PHF24: variants seen among roughly 807,000 people sequenced by gnomAD.
The protein encoded by PHF24 is Galpha inhibitory interacting protein.
Under a neutral mutation model 42.6 loss-of-function variants are expected in PHF24, and 25 were observed. That is an observed-to-expected ratio of 0.59 (90% CI 0.43 to 0.82). PHF24 has a LOEUF of 0.82. PHF24 is among the 40% of genes least tolerant of loss of function. The pLI is 0.00. For synonymous variants in PHF24, 185 were observed against 204.8 expected (o/e 0.90, Z 0.83); for missense variants, 470 against 538.1 (o/e 0.87, Z 1.25).
the PHF24 span, among the ~76,000 whole-genome samples, chr9:34,926,301 C>T: frequency 6.6e-6 from 1 of 152,214 alleles, no homozygotes; most frequent in Non-Finnish European, 1.5e-5. The surrounding 1 kb of genome is among the most constrained non-coding windows in gnomAD (Gnocchi z 4.3). Context: ...AGAAGTGGCT[C>T]ACAGAGCTGT....
chr9:34,755,810 G>A, the PHF24 span, among the ~76,000 whole-genome samples: 1 of 151,934 alleles, frequency 6.6e-6, no homozygotes, highest in Non-Finnish European at 1.5e-5. Flanking sequence ...ATTGTGCTCA[G>A]CCTGTATAAT....
chr9:34,729,467 T>C, the PHF24 span: 1 of 1,523,650 alleles, frequency 6.6e-7, no homozygotes, highest in African/African-American at 1.4e-5. Flanking sequence ...CATCCCTCTA[T>C]CTCGGAATTC....
At chr9:34,723,920 T>C in the PHF24 span, 2 of 1,551,490 alleles carry the variant, frequency 1.3e-6, no homozygotes, top group African/African-American at 2.7e-5. Context: ...TTGACAGGGA[T>C]CAGCAAGATG....
At chr9:34,929,615 G>A in the PHF24 span, among the ~76,000 whole-genome samples, 1 of 152,190 alleles carries the variant, frequency 6.6e-6, no homozygotes, top group African/African-American at 2.4e-5. Flanking sequence ...GAGGATTAAA[G>A]CAATCAGATT....
chr9:34,889,347 T>TAG, the PHF24 span: 1 of 398,626 alleles, frequency 2.5e-6, no homozygotes, highest in Non-Finnish European at 4.4e-6. Context: ...GAAGGGAGTG[T>TAG]TGCTAGAGCA....
chr9:34,728,855 C>G, the PHF24 span, among the ~76,000 whole-genome samples: 1 of 152,152 alleles, frequency 6.6e-6, no homozygotes, highest in Admixed American at 6.5e-5. Flanking sequence ...CACTTGGAGG[C>G]TTTTCCAAAT....
chr9:34,759,804 C>T, the PHF24 span, among the ~76,000 whole-genome samples: 3 of 152,212 alleles, frequency 2.0e-5, no homozygotes, highest in Non-Finnish European at 2.9e-5. Context: ...CTGCTGCAAA[C>T]TCCTCTCCAG....
At chr9:34,927,815 G>A in the PHF24 span, among the ~76,000 whole-genome samples, 1 of 152,128 alleles carries the variant, frequency 6.6e-6, no homozygotes, top group Admixed American at 6.5e-5. Context: ...TATTCATTGT[G>A]TTGGGCCTTT....
chr9:34,680,687 CAA>C, the PHF24 span, among the ~76,000 whole-genome samples: 1 of 124,636 alleles, frequency 8.0e-6, no homozygotes, highest in Admixed American at 8.0e-5. Flanking sequence ...GACTCCGTCT[CAA>C]AAAAAAAAAT....
the PHF24 span, among the ~76,000 whole-genome samples, chr9:34,763,535 G>A: frequency 3.4e-3 from 525 of 152,226 alleles, 2 homozygotes; most frequent in African/African-American, 0.012. Context: ...TGTGATTTTT[G>A]TACATTGATT....
chr9:34,841,129 A>G, the PHF24 span, among the ~76,000 whole-genome samples: 1 of 152,022 alleles, frequency 6.6e-6, no homozygotes, highest in Non-Finnish European at 1.5e-5. Flanking sequence ...CCTCCTGAGT[A>G]GCTGGGACTA....
chr9:34,837,771 C>A, the PHF24 span: 1 of 1,007,344 alleles, frequency 9.9e-7, no homozygotes, highest in Non-Finnish European at 1.5e-6. Context: ...ATGAGACTTA[C>A]ATTTATTTTC....
the PHF24 span, among the ~76,000 whole-genome samples, chr9:34,826,274 A>T: frequency 8.5e-5 from 13 of 152,106 alleles, no homozygotes; most frequent in African/African-American, 2.9e-4. Context: ...ACATGCCTGG[A>T]TTGTGCTTAT....
At chr9:34,711,625 C>G in the PHF24 span, among the ~76,000 whole-genome samples, 4 of 151,924 alleles carry the variant, frequency 2.6e-5, no homozygotes, top group African/African-American at 9.7e-5. Flanking sequence ...TCACTGCAAC[C>G]TCCACCCTCC....
rs774103732 is a variant in PHF24 at position 34,978,011 on chromosome 9, C to G, written c.1107-4C>G. On this transcript the variant is annotated splice_polypyrimidine_tract_variant and splice_region_variant and intron_variant, in intron 7 of 7. Transcript: ENST00000242315. ...CACGACTCTGTTCTTTGCTTCCACT[C>G]CAGATTTGTGGACTGGCCTACCTTC... 4 of 1,611,904 alleles carry G rather than the reference C, an allele frequency of 2.5e-6. No homozygotes were observed. The Admixed American group carries it at 6.7e-5, about 27-fold the overall frequency.
chr9:34,784,617 T>A, the PHF24 span, among the ~76,000 whole-genome samples: 1 of 152,322 alleles, frequency 6.6e-6, no homozygotes, highest in South Asian at 2.1e-4. Flanking sequence ...AGCTATTTCT[T>A]AACATAAACT....
At chr9:34,847,059 C>T in the PHF24 span, among the ~76,000 whole-genome samples, 3 of 152,156 alleles carry the variant, frequency 2.0e-5, no homozygotes, top group Non-Finnish European at 4.4e-5. Flanking sequence ...GTTCTTTTGG[C>T]TTAGGATTGA....
the PHF24 span, chr9:34,666,167 G>GA: frequency 5.8e-6 from 1 of 173,534 alleles, no homozygotes; most frequent in Non-Finnish European, 1.3e-5. Flanking sequence ...TACGGGGTGA[G>GA]GCCAGGGGCG....
At chr9:34,948,454 G>C in the PHF24 span, among the ~76,000 whole-genome samples, 1 of 152,112 alleles carries the variant, frequency 6.6e-6, no homozygotes, top group Non-Finnish European at 1.5e-5. Context: ...CTCCATTCAT[G>C]GTAAGTGCCC....
Sources: allele counts gnomAD v4.1 joint callset (sites outside exome capture counted in the v4.1 genomes callset), GRCh38; gene constraint gnomAD v4.1.1; non-coding constraint Gnocchi (gnomAD v3.1); transcripts MANE v1.5; gene names NCBI Gene and HGNC (gene_info 2026-07-23, HGNC 2026-07-21).